The following TANC1 variants were observed in gnomAD, a reference collection of about 807,000 sequenced individuals.
TANC1 encodes the protein protein TANC1.
A neutral mutation model predicts 149.7 loss-of-function variants in TANC1; 77 were observed. That is an observed-to-expected ratio of 0.51 (90% CI 0.43 to 0.62). The LOEUF is 0.62. Among genes scored for constraint, TANC1 ranks in the 20% least tolerant of loss-of-function variants. The pLI, the probability that TANC1 is intolerant of heterozygous loss-of-function variation, is 0.00. For missense variants in TANC1, 1,985 were observed against 2,321.8 expected (o/e 0.85, Z 2.98); for synonymous variants, 854 against 925.0 (o/e 0.92, Z 1.39).
chr2:159,138,318 T>C (rs1204839695), intron 5 of TANC1, among the ~76,000 whole-genome samples: 3 of 152,102 alleles, frequency 2.0e-5, no homozygotes, highest in African/African-American at 7.2e-5. Flanking sequence ...TGGTCTTGCC[T>C]GAAGATAGCC....
At chr2:159,174,919 G>T in intron 11 of TANC1, 34 bp from the exon 12 acceptor site, 1 of 1,533,378 alleles carries the variant, frequency 6.5e-7, no homozygotes, top group Non-Finnish European at 9.0e-7. Flanking sequence ...TGTGAAGAGG[G>T]TGAGGTGATG....
At chr2:159,019,288 T>G (rs2038579184) in intron 2 of TANC1, among the ~76,000 whole-genome samples, 1 of 152,190 alleles carries the variant, frequency 6.6e-6, no homozygotes, top group African/African-American at 2.4e-5. Context: ...CCAGCGATCT[T>G]CAGCCCGTGT....
intron 2 of TANC1, among the ~76,000 whole-genome samples, chr2:159,026,738 G>T (rs1341888725): frequency 6.6e-6 from 1 of 151,986 alleles, no homozygotes; most frequent in Non-Finnish European, 1.5e-5. Flanking sequence ...GGGGTCGCTT[G>T]AGCCACAGCT....
chr2:159,181,159 G>C (rs1371533561), intron 14 of TANC1, among the ~76,000 whole-genome samples: 2 of 152,024 alleles, frequency 1.3e-5, no homozygotes, highest in Non-Finnish European at 2.9e-5. Context: ...ATTCTTATCT[G>C]GGTTTTTGCT....
chr2:159,040,492 G>A (rs966075189), intron 2 of TANC1, among the ~76,000 whole-genome samples: 26 of 151,882 alleles, frequency 1.7e-4, no homozygotes, highest in South Asian at 8.4e-4. Flanking sequence ...TTCTCTTCTC[G>A]CTTCATTTCA....
Position 159,176,371 on chromosome 2 carries a change from A to C in TANC1, c.1755A>C (p.Glu585Asp), listed in dbSNP as rs780884430. ...NLRNEQKIPE[E>D]EYIILIDGLN... ...CTGTAGAGCAGAAAATTCCTGAAGAAGAATACATTATTTTGATAGATGGCT... is the reference window on the plus strand; with the variant it reads ...CTGTAGAGCAGAAAATTCCTGAAGACGAATACATTATTTTGATAGATGGCT... The change falls in exon 13 of 27, where the codon GAA (glutamate) becomes GAC (aspartate). Residue 585 changes from glutamate to aspartate, a missense_variant. Around this residue, in one of 3 missense-constraint regions of TANC1, gnomAD observed 508 missense variants for 714.2 expected, o/e 0.71. Transcript: ENST00000263635. 1 of 1,547,572 alleles carries C rather than the reference A, an allele frequency of 6.5e-7. No homozygotes were observed. The highest frequency in any genetic ancestry group is 8.7e-7 in the Non-Finnish European group (1 of 1,149,782).
At chr2:159,073,563 G>A (rs2043355782) in intron 3 of TANC1, among the ~76,000 whole-genome samples, 1 of 152,166 alleles carries the variant, frequency 6.6e-6, no homozygotes, top group Non-Finnish European at 1.5e-5. Flanking sequence ...GCCATAGGAA[G>A]CTAGATCAGT....
intron 3 of TANC1, among the ~76,000 whole-genome samples, chr2:159,074,390 T>G (rs1282620062): frequency 6.6e-6 from 1 of 152,140 alleles, no homozygotes; most frequent in Non-Finnish European, 1.5e-5. Context: ...ATGTGAGACA[T>G]GCATGGAGGT....
At chr2:159,111,800 G>T (rs886850200) in intron 4 of TANC1, among the ~76,000 whole-genome samples, 1 of 152,180 alleles carries the variant, frequency 6.6e-6, no homozygotes, top group African/African-American at 2.4e-5. Flanking sequence ...AGAACACAGC[G>T]AGTATTATGG....
At chr2:159,200,790 C>G (rs2058191915) in intron 19 of TANC1, among the ~76,000 whole-genome samples, 1 of 152,156 alleles carries the variant, frequency 6.6e-6, no homozygotes. Flanking sequence ...GTCAGAGACT[C>G]CACTGGGGAA....
intron 4 of TANC1, among the ~76,000 whole-genome samples, chr2:159,122,034 T>C (rs1228503432): frequency 6.6e-6 from 1 of 152,104 alleles, no homozygotes; most frequent in Non-Finnish European, 1.5e-5. Context: ...ACCTCCCAGG[T>C]TGAAGTAATC....
intron 16 of TANC1, among the ~76,000 whole-genome samples, chr2:159,192,288 A>G (rs1011722587): frequency 1.3e-5 from 2 of 152,188 alleles, no homozygotes; most frequent in African/African-American, 4.8e-5. Flanking sequence ...TTATCTCACT[A>G]TTAACACCAT....
At chr2:158,982,528 T>G (rs1244132635) in intron 1 of TANC1, among the ~76,000 whole-genome samples, 1 of 152,262 alleles carries the variant, frequency 6.6e-6, no homozygotes, top group Non-Finnish European at 1.5e-5. Flanking sequence ...GCACCGTGCA[T>G]GGATCAGAGC....
At chr2:159,093,797 T>C (rs1444968246) in intron 3 of TANC1, among the ~76,000 whole-genome samples, 1 of 151,940 alleles carries the variant, frequency 6.6e-6, no homozygotes, top group African/African-American at 2.4e-5. Flanking sequence ...ATCATAGTGC[T>C]GGAGCCCAGC....
At chr2:159,080,517 A>G (rs1207805331) in intron 3 of TANC1, among the ~76,000 whole-genome samples, 1 of 152,126 alleles carries the variant, frequency 6.6e-6, no homozygotes, top group East Asian at 1.9e-4. Context: ...GTGGTGCTCC[A>G]TCTCTATTGA....
At chr2:159,098,518 G>A (rs371674755) in intron 4 of TANC1, among the ~76,000 whole-genome samples, 5 of 152,110 alleles carry the variant, frequency 3.3e-5, no homozygotes, top group East Asian at 3.8e-4. Flanking sequence ...ATGGATGTAG[G>A]CAAATGTCAT....
intron 4 of TANC1, among the ~76,000 whole-genome samples, chr2:159,131,288 A>G (rs1223266015): frequency 6.6e-6 from 1 of 152,096 alleles, no homozygotes; most frequent in Non-Finnish European, 1.5e-5. Flanking sequence ...ATCTCTCTCC[A>G]TGGTCTTAGA....
At chr2:159,070,269 T>TC (rs1166375406) in intron 3 of TANC1, among the ~76,000 whole-genome samples, 1 of 152,200 alleles carries the variant, frequency 6.6e-6, no homozygotes, top group East Asian at 1.9e-4. Flanking sequence ...GAAGACTTTT[T>TC]TTTTTTTGAG....
At chr2:158,995,157 T>G (rs945566389) in intron 1 of TANC1, among the ~76,000 whole-genome samples, 1 of 152,248 alleles carries the variant, frequency 6.6e-6, no homozygotes, top group Non-Finnish European at 1.5e-5. Flanking sequence ...TACAGTGAGC[T>G]GGGGATTCCC....
Sources: allele counts gnomAD v4.1 joint callset (sites outside exome capture counted in the v4.1 genomes callset), GRCh38; gene constraint gnomAD v4.1.1; regional missense constraint gnomAD v4.1.1; transcripts MANE v1.5; gene names NCBI Gene and HGNC (gene_info 2026-07-23, HGNC 2026-07-21).